The following IGF2R variants were observed in gnomAD, a reference collection of about 807,000 sequenced individuals.
IGF2R encodes insulin like growth factor 2 receptor.
Under a neutral mutation model 270.6 loss-of-function variants are expected in IGF2R, and 91 were observed. That is an observed-to-expected ratio of 0.34 (90% CI 0.28 to 0.40). The LOEUF is 0.40. Ranked by LOEUF, IGF2R falls within the 10% of genes least tolerant of loss-of-function variation. The pLI is 1.00. For synonymous variants in IGF2R, 1,316 were observed against 1,258.9 expected (o/e 1.05, Z -0.96); for missense variants, 2,805 against 3,188.3 (o/e 0.88, Z 2.90).
chr6:159,997,069 C>T (rs1303962971), intron 2 of IGF2R, among the ~76,000 whole-genome samples: 1 of 152,202 alleles, frequency 6.6e-6, no homozygotes, highest in Non-Finnish European at 1.5e-5. Flanking sequence ...CCACCTGGCT[C>T]CTGGGCTGGA....
chr6:160,072,953 C>A, intron 33 of IGF2R, 69 bp downstream of exon 33: 1 of 1,535,912 alleles, frequency 6.5e-7, no homozygotes, highest in South Asian at 1.3e-5. Context: ...AGTCTCTTTG[C>A]ATGCTAATGG....
At chr6:160,030,363 T>C (rs943681317) in intron 7 of IGF2R, among the ~76,000 whole-genome samples, 5 of 152,186 alleles carry the variant, frequency 3.3e-5, no homozygotes, top group Admixed American at 1.3e-4. Flanking sequence ...TGAATTCTTT[T>C]GCCAGAGAAC....
chr6:160,069,996 T>C lies in IGF2R; in HGVS notation c.4381T>C (p.Cys1461Arg). 6.2e-7 allele frequency: 1 copy of C among 1,614,260 alleles called. No homozygotes were observed. Among genetic ancestry groups the C allele is most frequent in the Non-Finnish European group, 8.5e-7 (1 of 1,180,042 alleles). The change falls in exon 31 of 48, where the codon TGT becomes CGT. Residue 1461 changes from cysteine to arginine, a missense_variant. Around this residue, in one of 2 missense-constraint regions of IGF2R, gnomAD observed 1,851 missense variants for 2,207.2 expected, o/e 0.84. Transcript: ENST00000356956. ...IVLKYVDGDLCPDGIRKKSTT... is the reference protein window; with the variant it reads ...IVLKYVDGDLRPDGIRKKSTT... ...CCTGAAATACGTTGATGGCGACTTA[T>C]GTCCAGATGGGATTCGGAAAAAGTC...
At chr6:159,999,457 A>G (rs950449961) in intron 2 of IGF2R, among the ~76,000 whole-genome samples, 7 of 152,252 alleles carry the variant, frequency 4.6e-5, no homozygotes, top group Middle Eastern at 3.4e-3. Flanking sequence ...GAGCCTGTGT[A>G]CTCACTCAGG....
chr6:160,062,977 A>G (rs189999917), intron 26 of IGF2R, among the ~76,000 whole-genome samples: 5 of 122,934 alleles, frequency 4.1e-5, no homozygotes, highest in Admixed American at 3.2e-4. Context: ...AAACAAAATC[A>G]TGTGGAAATG....
chr6:160,008,311 C>CT (rs951773506), intron 2 of IGF2R, among the ~76,000 whole-genome samples: 2 of 152,204 alleles, frequency 1.3e-5, no homozygotes, highest in African/African-American at 4.8e-5. Context: ...ACAGCCTCCT[C>CT]TTTTCCCTGA....
At chr6:160,070,143 T>G in intron 31 of IGF2R, 85 bp downstream of exon 31, 1 of 1,284,904 alleles carries the variant, frequency 7.8e-7, no homozygotes. Context: ...CGTCCTCATC[T>G]GCCTTGGGAT....
chr6:159,992,458 CAT>C (rs1414215611), intron 2 of IGF2R, among the ~76,000 whole-genome samples: 2 of 152,136 alleles, frequency 1.3e-5, no homozygotes, highest in Non-Finnish European at 2.9e-5. Flanking sequence ...TAAGTGAGAA[CAT>C]GTGGTATTTG....
chr6:160,042,349 C>G (rs774323695), intron 11 of IGF2R, among the ~76,000 whole-genome samples: 6 of 152,200 alleles, frequency 3.9e-5, no homozygotes, highest in African/African-American at 1.2e-4. Context: ...ACTGATGAGT[C>G]ATGGGGTTTT....
At chr6:160,073,586 T>C in intron 34 of IGF2R, 117 bp downstream of exon 34, 1 of 1,256,546 alleles carries the variant, frequency 8.0e-7, no homozygotes, top group Non-Finnish European at 1.1e-6. Context: ...CCACTCCTGA[T>C]CACCCCAATA....
At chr6:159,977,173 C>A (rs1783707792) in intron 1 of IGF2R, among the ~76,000 whole-genome samples, 1 of 152,222 alleles carries the variant, frequency 6.6e-6, no homozygotes, top group Non-Finnish European at 1.5e-5. Context: ...CTCTGAAGAT[C>A]TCTCTTAAAG....
intron 7 of IGF2R, among the ~76,000 whole-genome samples, chr6:160,031,471 G>A (rs1476430743): frequency 1.3e-5 from 2 of 151,696 alleles, no homozygotes; most frequent in Non-Finnish European, 2.9e-5. Context: ...CCCATTAGCA[G>A]TCTCTTCCCA....
intron 41 of IGF2R, among the ~76,000 whole-genome samples, chr6:160,086,490 C>T (rs530197029): frequency 1.3e-5 from 2 of 152,290 alleles, no homozygotes; most frequent in Admixed American, 1.3e-4. Context: ...TATGTTTAAT[C>T]CCCATCCACT....
intron 19 of IGF2R, 57 bp from the exon 20 acceptor site, chr6:160,056,367 G>C: frequency 8.6e-7 from 1 of 1,166,220 alleles, no homozygotes; most frequent in Non-Finnish European, 1.3e-6. Flanking sequence ...GTATTCTTTT[G>C]GTTCTATCAA....
intron 39 of IGF2R, among the ~76,000 whole-genome samples, chr6:160,081,685 C>T (rs1018069487): frequency 2.6e-5 from 4 of 152,164 alleles, no homozygotes; most frequent in African/African-American, 9.7e-5. Flanking sequence ...AAGAGGCGCC[C>T]CTGCCTTCCT....
intron 1 of IGF2R, among the ~76,000 whole-genome samples, chr6:159,984,751 G>A (rs1471649675): frequency 6.6e-6 from 1 of 152,162 alleles, no homozygotes; most frequent in Admixed American, 6.5e-5. Flanking sequence ...TCGCCATTAA[G>A]TGAGTGACTA....
At chr6:160,028,735 C>T (rs1777619276) in intron 6 of IGF2R, among the ~76,000 whole-genome samples, 1 of 151,930 alleles carries the variant, frequency 6.6e-6, no homozygotes, top group Non-Finnish European at 1.5e-5. Flanking sequence ...TAAGACAAAA[C>T]AAAACTTTTG....
chr6:160,056,775 C>T (rs1336188427), intron 20 of IGF2R, among the ~76,000 whole-genome samples: 1 of 152,212 alleles, frequency 6.6e-6, no homozygotes, highest in Admixed American at 6.5e-5. Context: ...TGTTTCCATT[C>T]CTTTGTGCCT....
Position 160,005,982 on chromosome 6 carries a change from G to A in IGF2R, c.290-3028G>A, listed in dbSNP as rs939101503. ...GGTGCCTTCTGCCCGCCGCCTCGCC[G>A]CGCCCCTCGCCTCCTCATGCCCCTC... is the stretch of plus-strand genomic sequence containing the variant. On this transcript the variant is annotated intron_variant, in intron 2 of 47. Transcript: ENST00000356956. 8 of 158,598 alleles carry A rather than the reference G, an allele frequency of 5.0e-5. No individual in the cohort carries two copies. In the South Asian group the frequency reaches 1.1e-3, roughly 22 times the overall value. 9.8% of individuals were successfully genotyped at this position (158,598 alleles called of 1,614,324 possible). A position where few individuals can be genotyped will look rare whatever the true frequency, so the allele number is the denominator to read the frequency against.
Sources: gnomAD v4.1 joint callset for allele counts (sites outside exome capture counted in the v4.1 genomes callset) on GRCh38, gnomAD v4.1.1 for gene constraint, gnomAD v4.1.1 regional missense constraint, MANE v1.5 for transcripts, NCBI Gene and HGNC (gene_info 2026-07-23, HGNC 2026-07-21) for gene names.